The following BICC1 variants were observed in gnomAD, a reference collection of about 807,000 sequenced individuals.
BICC1 encodes BicC family RNA binding protein 1.
Under a neutral mutation model 111.0 loss-of-function variants are expected in BICC1, and 43 were observed. The observed-to-expected ratio is 0.39, with a 90% CI of 0.30 to 0.50. The LOEUF is 0.50. BICC1 is among the 20% of genes least tolerant of loss of function. BICC1 has a pLI of 0.88. For synonymous variants in BICC1, 467 were observed against 434.4 expected (o/e 1.07, Z -0.93); for missense variants, 1,091 against 1,203.2 (o/e 0.91, Z 1.38).
At chr10:58,584,050 CA>C (rs977656443) in intron 1 of BICC1, among the ~76,000 whole-genome samples, 2 of 97,768 alleles carry the variant, frequency 2.0e-5, no homozygotes, top group Non-Finnish European at 4.1e-5. Context: ...TGAATGTAAA[CA>C]TGAAACACAC....
chr10:58,807,665 T>C (rs1843750914), intron 17 of BICC1, among the ~76,000 whole-genome samples: 1 of 152,186 alleles, frequency 6.6e-6, no homozygotes, highest in African/African-American at 2.4e-5. Flanking sequence ...TTCCCAGATG[T>C]TGGCTGCCCT....
intron 15 of BICC1, 72 bp from the exon 16 acceptor site, chr10:58,806,512 T>G: frequency 1.5e-6 from 2 of 1,369,410 alleles, no homozygotes; most frequent in Non-Finnish European, 2.1e-6. Flanking sequence ...AAACCTTTGT[T>G]CTCTAACCAT....
chr10:58,680,565 G>A (rs1839486242), intron 2 of BICC1, among the ~76,000 whole-genome samples: 1 of 152,164 alleles, frequency 6.6e-6, no homozygotes, highest in Admixed American at 6.5e-5. Flanking sequence ...CTCATGGATA[G>A]GAAGAATCAA....
intron 2 of BICC1, among the ~76,000 whole-genome samples, chr10:58,680,720 A>G (rs931232273): frequency 1.3e-5 from 2 of 152,226 alleles, no homozygotes; most frequent in South Asian, 2.1e-4. Context: ...AGCCAAGACA[A>G]TTCTAAGCAA....
At chr10:58,827,494 T>C (rs1844433453) in intron 20 of BICC1, among the ~76,000 whole-genome samples, 1 of 152,140 alleles carries the variant, frequency 6.6e-6, no homozygotes, top group Non-Finnish European at 1.5e-5. Context: ...CAATATCAGA[T>C]CTTGGAGAAA....
intron 1 of BICC1, among the ~76,000 whole-genome samples, chr10:58,532,567 G>A (rs1298937726): frequency 1.3e-5 from 2 of 151,870 alleles, no homozygotes; most frequent in African/African-American, 2.4e-5. Context: ...AAGAAGGGAC[G>A]AGATGATGAT....
chr10:58,624,559 G>A (rs1845926992), intron 2 of BICC1, among the ~76,000 whole-genome samples: 1 of 152,030 alleles, frequency 6.6e-6, no homozygotes, highest in African/African-American at 2.4e-5. Context: ...TGCAAAAAGA[G>A]AAAAAAGTAA....
chr10:58,692,030 T>C (rs1042750025), intron 2 of BICC1, among the ~76,000 whole-genome samples: 1 of 152,206 alleles, frequency 6.6e-6, no homozygotes, highest in Non-Finnish European at 1.5e-5. Flanking sequence ...CTAATGATAC[T>C]TATTGAGATC....
Position 58,513,019 on chromosome 10 carries a change from G to GGCGGCTGCAGGGGGACGAGCTAGCGCC in BICC1, c.-119_-93dup, listed in dbSNP as rs1293584935. ...CGGCGGCGGCGTTGGCGGTGGCGTC[G>GGCGGCTGCAGGGGGACGAGCTAGCGCC]GCGGCTGCAGGGGGACGAGCTAGCG... On this transcript the variant is annotated 5_prime_UTR_variant, in exon 1 of 21. Transcript: ENST00000373886. 7.4e-5 allele frequency: 48 copies of GGCGGCTGCAGGGGGACGAGCTAGCGCC among 648,036 alleles called. No homozygotes were observed. The highest frequency in any genetic ancestry group is 5.6e-4 in the Middle Eastern group (1 of 1,772). The allele number at this position is 648,036 out of a possible 1,614,324, so 40.1% of individuals were successfully genotyped here.
At chr10:58,583,543 T>G (rs1266757196) in intron 1 of BICC1, among the ~76,000 whole-genome samples, 1 of 152,092 alleles carries the variant, frequency 6.6e-6, no homozygotes, top group East Asian at 1.9e-4. Flanking sequence ...GCTAATGCCA[T>G]TCTTTCTTCC....
chr10:58,790,363 A>C (rs1843140491), intron 8 of BICC1, among the ~76,000 whole-genome samples: 1 of 152,226 alleles, frequency 6.6e-6, no homozygotes, highest in South Asian at 2.1e-4. Context: ...TTGTCAGCCC[A>C]AAACATTTGT....
chr10:58,517,132 CA>C (rs1307689211), intron 1 of BICC1, among the ~76,000 whole-genome samples: 2 of 152,096 alleles, frequency 1.3e-5, no homozygotes, highest in African/African-American at 4.8e-5. Context: ...TAGGTATTTT[CA>C]AAGTTTGGGA....
At chr10:58,755,950 C>T (rs372255056) in intron 3 of BICC1, among the ~76,000 whole-genome samples, 25 of 152,266 alleles carry the variant, frequency 1.6e-4, no homozygotes, top group African/African-American at 5.5e-4. Flanking sequence ...CCTTCTGCTC[C>T]TGCGTGTTCT....
chr10:58,824,581 T>C (rs1032418624), intron 20 of BICC1, among the ~76,000 whole-genome samples: 3 of 152,184 alleles, frequency 2.0e-5, no homozygotes, highest in African/African-American at 7.2e-5. Context: ...CCATGCAGTC[T>C]GTTACAACCT....
At chr10:58,686,150 C>A (rs887748085) in intron 2 of BICC1, among the ~76,000 whole-genome samples, 3 of 152,182 alleles carry the variant, frequency 2.0e-5, no homozygotes, top group African/African-American at 7.2e-5. Context: ...ATATGAAATT[C>A]TGGGTTGAAA....
intron 1 of BICC1, among the ~76,000 whole-genome samples, chr10:58,568,513 T>A (rs185561617): frequency 3.3e-4 from 50 of 152,230 alleles, no homozygotes; most frequent in Non-Finnish European, 6.3e-4. Flanking sequence ...CCTCAAAGAT[T>A]AAACTGAGAA....
intron 1 of BICC1, among the ~76,000 whole-genome samples, chr10:58,533,680 G>T (rs1249623392): frequency 6.6e-6 from 1 of 151,744 alleles, no homozygotes; most frequent in African/African-American, 2.4e-5. Flanking sequence ...TATAAGAATT[G>T]TTAAAGGGAG....
intron 1 of BICC1, among the ~76,000 whole-genome samples, chr10:58,531,408 C>A (rs1459974684): frequency 6.6e-6 from 1 of 151,826 alleles, no homozygotes; most frequent in Non-Finnish European, 1.5e-5. Flanking sequence ...TGAGAGACCG[C>A]CAGAATCTCT....
At chr10:58,790,202 T>G (rs1843134899) in intron 8 of BICC1, among the ~76,000 whole-genome samples, 1 of 152,160 alleles carries the variant, frequency 6.6e-6, no homozygotes, top group Admixed American at 6.5e-5. Flanking sequence ...GTGAAATAAT[T>G]GACTGCATTT....
Sources: allele counts gnomAD v4.1 joint callset (sites outside exome capture counted in the v4.1 genomes callset), GRCh38; gene constraint gnomAD v4.1.1; transcripts MANE v1.5; gene names NCBI Gene and HGNC (gene_info 2026-07-23, HGNC 2026-07-21).